Variants in CNTLN observed in about 807,000 individuals in gnomAD.
CNTLN encodes the protein centlein.
A neutral mutation model predicts 180.0 loss-of-function variants in CNTLN; 212 were observed. The ratio of observed to expected loss-of-function variants is 1.18; its 90% CI spans 1.05 to 1.32. CNTLN has a LOEUF of 1.32. Ranked by LOEUF, CNTLN falls within the 40% of genes most tolerant of loss-of-function variation. The probability of loss-of-function intolerance (pLI) is 0.00; values close to 1 mark genes in which losing one functional copy is unlikely to be tolerated. For synonymous variants in CNTLN, 722 were observed against 563.1 expected (o/e 1.28, Z -3.99); for missense variants, 2,095 against 1,610.9 (o/e 1.30, Z -5.14).
At chr9:17,392,301 A>G (rs942050932) in intron 14 of CNTLN, among the ~76,000 whole-genome samples, 11 of 152,186 alleles carry the variant, frequency 7.2e-5, no homozygotes, top group Middle Eastern at 3.2e-3. Flanking sequence ...TCAAATATGT[A>G]TTTAAAAAAT....
chr9:17,369,081 C>T (rs1377114092), intron 13 of CNTLN, among the ~76,000 whole-genome samples: 1 of 152,198 alleles, frequency 6.6e-6, no homozygotes, highest in East Asian at 1.9e-4. Flanking sequence ...ATAATCTCCA[C>T]GTGTCAAAAG....
intron 18 of CNTLN, chr9:17,447,046 A>G (rs1156810358): frequency 6.1e-6 from 1 of 163,778 alleles, no homozygotes; most frequent in Non-Finnish European, 1.3e-5. Context: ...CATAGACTGC[A>G]GTCAAAGAAT....
At chr9:17,167,840 G>A (rs553373600) in intron 2 of CNTLN, 5 of 152,204 alleles carry the variant, frequency 3.3e-5, no homozygotes, top group African/African-American at 1.2e-4. Context: ...CTAAAAATCA[G>A]GATTTACACC....
At chr9:17,194,144 G>T (rs1821971005) in intron 2 of CNTLN, among the ~76,000 whole-genome samples, 1 of 151,770 alleles carries the variant, frequency 6.6e-6, no homozygotes, top group Non-Finnish European at 1.5e-5. Flanking sequence ...GTGATGGGAG[G>T]GGCTGCTGTG....
intron 8 of CNTLN, among the ~76,000 whole-genome samples, chr9:17,315,079 C>A (rs989359509): frequency 6.3e-4 from 95 of 151,914 alleles, no homozygotes; most frequent in Middle Eastern, 3.2e-3. Flanking sequence ...ACTTTTTAAT[C>A]CCTTTATTCT....
chr9:17,521,858 C>G, the CNTLN span, among the ~76,000 whole-genome samples: 1 of 152,144 alleles, frequency 6.6e-6, no homozygotes, highest in African/African-American at 2.4e-5. Flanking sequence ...CAGAGTTGCT[C>G]TAAAAAATTG....
intron 12 of CNTLN, among the ~76,000 whole-genome samples, chr9:17,356,063 CAAA>C (rs71492915): frequency 0.036 from 699 of 19,560 alleles, 3 homozygotes; most frequent in Non-Finnish European, 0.054. Flanking sequence ...GACTCCATCT[CAAA>C]AAAAAAAAAA....
intron 5 of CNTLN, among the ~76,000 whole-genome samples, chr9:17,259,726 T>G (rs1015099906): frequency 6.6e-5 from 10 of 150,560 alleles, no homozygotes; most frequent in Non-Finnish European, 1.0e-4. Flanking sequence ...GTCGAGGAAT[T>G]TATCCATTTC....
At chr9:17,232,977 A>C (rs1824905719) in intron 3 of CNTLN, among the ~76,000 whole-genome samples, 1 of 144,136 alleles carries the variant, frequency 6.9e-6, no homozygotes, top group Non-Finnish European at 1.5e-5. Flanking sequence ...GATATGGCCT[A>C]ATAATTAAAA....
At chr9:17,151,643 A>C (rs878891073) in intron 2 of CNTLN, among the ~76,000 whole-genome samples, 2 of 152,102 alleles carry the variant, frequency 1.3e-5, no homozygotes, top group African/African-American at 4.8e-5. Context: ...TGTCTCTGCC[A>C]GGTTTTGGTA....
chr9:17,427,912 G>A (rs1260446621), intron 18 of CNTLN, among the ~76,000 whole-genome samples: 3 of 152,170 alleles, frequency 2.0e-5, no homozygotes, highest in Non-Finnish European at 4.4e-5. Context: ...TAGGGTCCAT[G>A]AAGTATAATG....
chr9:17,167,024 AT>A, intron 2 of CNTLN: 1 of 255,464 alleles, frequency 3.9e-6, no homozygotes, highest in Non-Finnish European at 8.2e-6. Flanking sequence ...CTCTGAAAAA[AT>A]TAGCAGTGAT....
chr9:17,430,783 GT>G (rs1323604890), intron 18 of CNTLN, among the ~76,000 whole-genome samples: 2 of 152,078 alleles, frequency 1.3e-5, no homozygotes, highest in Non-Finnish European at 2.9e-5. Context: ...GCACCTGCAT[GT>G]GAGTGAGAAT....
intron 25 of CNTLN, among the ~76,000 whole-genome samples, chr9:17,492,783 C>T (rs563459648): frequency 2.0e-5 from 3 of 152,218 alleles, no homozygotes; most frequent in East Asian, 3.9e-4. Flanking sequence ...GATATTTGTA[C>T]ACCAATGCTC....
chr9:17,226,897 G>A (rs1468463610), intron 3 of CNTLN, among the ~76,000 whole-genome samples: 1 of 151,518 alleles, frequency 6.6e-6, no homozygotes, highest in South Asian at 2.1e-4. Context: ...TGGTGAGGGA[G>A]GTGCCACAGA....
At chr9:17,178,368 G>T (rs2779766) in intron 2 of CNTLN, among the ~76,000 whole-genome samples, 1 of 152,124 alleles carries the variant, frequency 6.6e-6, no homozygotes, top group African/African-American at 2.4e-5. Context: ...TCCCGCACCC[G>T]GGCCGCAGGT....
chr9:17,320,578 C>T (rs1819840680), intron 8 of CNTLN, among the ~76,000 whole-genome samples: 1 of 152,162 alleles, frequency 6.6e-6, no homozygotes, highest in Admixed American at 6.5e-5. Flanking sequence ...TCTTGGTGCA[C>T]TGCAACCTCC....
At chr9:17,299,876 C>G (rs1442787288) in intron 7 of CNTLN, 1 of 804,804 alleles carries the variant, frequency 1.2e-6, no homozygotes, top group Non-Finnish European at 1.5e-6. Flanking sequence ...TTCCATTGTA[C>G]TATAATTGGG....
chr9:17,300,084 C>T (rs1359996119), intron 7 of CNTLN: 1 of 152,104 alleles, frequency 6.6e-6, no homozygotes, highest in Non-Finnish European at 1.5e-5. Context: ...GTTCAATATC[C>T]CTTATCTGAA....
Sources: allele counts gnomAD v4.1 joint callset (sites outside exome capture counted in the v4.1 genomes callset), GRCh38; gene constraint gnomAD v4.1.1; transcripts MANE v1.5; gene names NCBI Gene and HGNC (gene_info 2026-07-23, HGNC 2026-07-21).